Variants in ZNF850 observed in about 807,000 individuals in gnomAD.
ZNF850 encodes the protein putative zinc finger protein ENSP00000330994.
A neutral mutation model predicts 11.9 loss-of-function variants in ZNF850; 2 were observed. That is an observed-to-expected ratio of 0.17 (90% CI 0.07 to 0.53). The LOEUF (loss-of-function observed/expected upper bound fraction) is 0.53, where lower values mean the gene tolerates loss of function less well. ZNF850 is among the 20% of genes least tolerant of loss of function. ZNF850 has a pLI of 0.94. For synonymous variants in ZNF850, 381 were observed against 443.0 expected, an observed-to-expected ratio of 0.86 and a Z score of 1.76; for missense variants, 1,014 against 1,316.4, an observed-to-expected ratio of 0.77 and a Z score of 3.55.
At chr19:36,762,766 C>A in intron 1 of ZNF850, 91 bp from the exon 2 acceptor site, 1 of 712,982 alleles carries the variant, frequency 1.4e-6, no homozygotes. Flanking sequence ...CCTAGCAAAG[C>A]TGAAAGAATA....
chr19:36,753,498 C>T (rs1008032590), intron 4 of ZNF850, among the ~76,000 whole-genome samples: 10 of 141,936 alleles, frequency 7.0e-5, no homozygotes, highest in African/African-American at 2.3e-4. Flanking sequence ...GAGGCTAAGG[C>T]GGGAGGATCA....
At chr19:36,759,056 C>G (rs771857225) in intron 4 of ZNF850, among the ~76,000 whole-genome samples, 34 of 151,534 alleles carry the variant, frequency 2.2e-4, no homozygotes, top group Non-Finnish European at 4.7e-4. Context: ...GCACTCCAGC[C>G]TGGCAACAGA....
intron 4 of ZNF850, 139 bp downstream of exon 4, chr19:36,761,504 C>G (rs554660461): frequency 2.3e-6 from 1 of 442,622 alleles, no homozygotes; most frequent in Admixed American, 3.8e-5. Context: ...CGTGACTTCT[C>G]TTCATGTGTC....
rs1198045676 is a variant in ZNF850, at chr19:36,749,938, T to C, written c.1102A>G (p.Lys368Glu). Reference sequence around the variant, plus strand: ...AAAGTAAAAGATTTTCCACATTCCTTACAGTCATAGGGTTTCTCACCAGTG... The same window carrying C: ...AAAGTAAAAGATTTTCCACATTCCTCACAGTCATAGGGTTTCTCACCAGTG... ...IHTGEKPYDC[K>E]ECGKSFTFHS... is the part of the protein sequence containing the mutation. Residue 368 changes from lysine (K) to glutamate (E), a missense_variant, in exon 5 of 5, where the codon AAG (lysine) becomes GAG (glutamate). Transcript: ENST00000591344. 6.4e-7 allele frequency: 1 copy of C among 1,570,498 alleles called. No homozygotes were observed. The highest frequency in any genetic ancestry group is 2.3e-5 in the East Asian group (1 of 42,658).
At chr19:36,768,303 A>C (rs1469653253) in intron 1 of ZNF850, among the ~76,000 whole-genome samples, 1 of 152,160 alleles carries the variant, frequency 6.6e-6, no homozygotes, top group Admixed American at 6.5e-5. Context: ...TATCTCCATA[A>C]AATCATCAAT....
intron 1 of ZNF850, among the ~76,000 whole-genome samples, chr19:36,763,014 T>G (rs996533410): frequency 3.3e-5 from 5 of 152,010 alleles, no homozygotes; most frequent in African/African-American, 1.2e-4. Context: ...CCTCAGCCTT[T>G]GTGTTAGCTG....
At chr19:36,765,358 G>T (rs1469476654) in intron 1 of ZNF850, among the ~76,000 whole-genome samples, 1 of 152,074 alleles carries the variant, frequency 6.6e-6, no homozygotes, top group Non-Finnish European at 1.5e-5. Flanking sequence ...TCCTTAACTG[G>T]CCATCCAATG....
Position 36,747,831 on chromosome 19 carries a change from CAT to C in ZNF850, c.3207_3208del (p.Cys1070TrpfsTer5). ...TGTAAGCTGTTTAAAGGCCTTCCCA[CAT>C]GTCTTACATTCATAGGGTTTCTCGC... On this transcript the variant is annotated frameshift_variant, in exon 5 of 5. Transcript: ENST00000591344. LOFTEE classifies it high-confidence loss of function. 6.3e-7 allele frequency: 1 copy of C among 1,577,674 alleles called. No individual in the cohort carries two copies. The highest frequency in any genetic ancestry group is 8.6e-7 in the Non-Finnish European group (1 of 1,165,608).
Position 36,750,324 on chromosome 19 carries a change from T to C in ZNF850, c.716A>G (p.His239Arg), listed in dbSNP as rs2040445713. ...EYGKAFISGS[H>R]LIQHQKMYTD... ...ATACATTTTCTGGTGTTGAATAAGA[T>C]GTGAGCCAGAAATAAAAGCTTTTCC... Residue 239 changes from histidine (H) to arginine (R), a missense_variant, in exon 5 of 5, where the codon CAT becomes CGT. Physicochemically the swap from His to Arg is conservative, Grantham distance 29 (BLOSUM62 0). This residue lies in a region of ZNF850 where 835 missense variants were observed against 1,022.0 expected (regional missense o/e 0.82). Coordinates refer to ENST00000591344, the MANE Select transcript of ZNF850 (RefSeq NM_001193552.2). 3.9e-6 allele frequency: 6 copies of C among 1,536,476 alleles called. No individual in the cohort carries two copies. The highest frequency in any genetic ancestry group is 5.2e-6 in the Non-Finnish European group (6 of 1,146,924).
chr19:36,753,131 T>C (rs2040463138), intron 4 of ZNF850, among the ~76,000 whole-genome samples: 1 of 151,660 alleles, frequency 6.6e-6, no homozygotes. Flanking sequence ...AAGCCAGGCA[T>C]GGTGGTGCAC....
Position 36,762,412 on chromosome 19 carries a change from T to G in ZNF850, c.32A>C (p.Asp11Ala), listed in dbSNP as rs1399545495. The change falls in exon 3 of 5, where the codon GAT (aspartate) becomes GCT (alanine). Residue 11 changes from aspartate to alanine, a missense_variant. Coordinates refer to ENST00000591344, the MANE Select transcript of ZNF850 (RefSeq NM_001193552.2). ...CTCCTGAGAGAAGTCTATAGACAGA[T>G]CCTGGAACATGACCAACCCCTGAAA... Reference protein sequence around the residue: MNMEGLVMFQDLSIDFSQEEW... With the variant: MNMEGLVMFQALSIDFSQEEW... 6.4e-7 allele frequency: 1 copy of G among 1,574,744 alleles called. No homozygotes were observed. The highest frequency in any genetic ancestry group is 1.1e-5 in the South Asian group (1 of 87,660).
At chr19:36,763,129 A>G (rs1187922924) in intron 1 of ZNF850, among the ~76,000 whole-genome samples, 3 of 151,906 alleles carry the variant, frequency 2.0e-5, no homozygotes, top group Non-Finnish European at 4.4e-5. Flanking sequence ...GGGCTCAAGC[A>G]ATCTACCTGC....
chr19:36,768,404 C>A lies in ZNF850; in HGVS notation c.-70+4321G>T, dbSNP rs1331366289. Among the ~76,000 whole-genome samples, 18 of 152,216 alleles carry A rather than the reference C, an allele frequency of 1.2e-4. No individual in the cohort carries two copies. The East Asian group carries it at 3.1e-3, about 26-fold the overall frequency. On this transcript the variant is annotated intron_variant, in intron 1 of 4. Coordinates refer to ENST00000591344, the MANE Select transcript of ZNF850 (RefSeq NM_001193552.2). ...AGGGAAGATTTAAATATAACAATTT[C>A]TCAAGTATTTCTATTTATTTTCATT...
chr19:36,748,226 T>A lies in ZNF850; in HGVS notation c.2814A>T (p.Ser938=). The part of the protein sequence containing the change: ...HECGKAFVRF[S]GLTKHHSIHT... ...GAATACTGTGATGTTTGGTGAGTCCTGAGAAACGGACAAAGGCTTTTCCAC... is the reference window on the plus strand; with the variant it reads ...GAATACTGTGATGTTTGGTGAGTCCAGAGAAACGGACAAAGGCTTTTCCAC... The change falls in exon 5 of 5, where the codon TCA becomes TCT. Residue 938 remains serine (S), a synonymous_variant. Coordinates refer to ENST00000591344, the MANE Select transcript of ZNF850 (RefSeq NM_001193552.2). The A allele has an allele frequency of 6.4e-7, 1 of 1,552,360 alleles. No homozygotes were observed. The highest frequency in any genetic ancestry group is 8.7e-7 in the Non-Finnish European group (1 of 1,151,848).
At chr19:36,751,698 C>CAAAAAAAAAAA (rs398038336) in intron 4 of ZNF850, among the ~76,000 whole-genome samples, 1 of 15,762 alleles carries the variant, frequency 6.3e-5, no homozygotes, top group Admixed American at 1.1e-3. Context: ...GACTCCATCT[C>CAAAAAAAAAAA]AAAAAAAAAA....
intron 4 of ZNF850, among the ~76,000 whole-genome samples, chr19:36,760,522 A>T (rs2040511590): frequency 6.6e-6 from 1 of 152,034 alleles, no homozygotes; most frequent in Non-Finnish European, 1.5e-5. Context: ...GTCACCCACC[A>T]AGAAAAGAAG....
Position 36,749,476 on chromosome 19 carries a change from G to T in ZNF850, c.1564C>A (p.Gln522Lys). Residue 522 changes from glutamine (Q) to lysine (K), a missense_variant, in exon 5 of 5, where the codon CAA (glutamine) becomes AAA (lysine). Gln to Lys is a moderately conservative substitution (Grantham distance 53). This residue lies in a region of ZNF850 where 835 missense variants were observed against 1,022.0 expected (regional missense o/e 0.82). Transcript: ENST00000591344. ...KSFASGSALL[Q>K]HQRIHTGEKP... ...TCACCAGTGTGAATTCGCTGATGTT[G>T]AAGTAGTGCTGAGCCAGAAGCAAAA... The T allele has an allele frequency of 6.5e-7, 1 of 1,549,746 alleles. No homozygotes were observed.
rs2040411212 is a variant in ZNF850, at chr19:36,746,315, A to G, written c.*1452T>C. The G allele has an allele frequency of 6.6e-6, 1 of 152,196 alleles. No individual in the cohort carries two copies. The highest frequency in any genetic ancestry group is 1.5e-5 in the Non-Finnish European group (1 of 68,034). 9.4% of individuals were successfully genotyped at this position (152,196 alleles called of 1,614,324 possible). ...CCACTACTTGTTTTAGGGCATCACA[A>G]ACTGTGTCCATATAAGACAGCAAAC... On this transcript the variant is annotated 3_prime_UTR_variant, in exon 5 of 5. Coordinates refer to ENST00000591344, the MANE Select transcript of ZNF850 (RefSeq NM_001193552.2).
rs150039157 is a variant in ZNF850, at chr19:36,759,295, G to A, written c.235+2348C>T. Among the ~76,000 whole-genome samples the A allele has an allele frequency of 7.5e-3, 1,137 of 151,988 alleles. 7 individuals are homozygous for A. The highest frequency in any genetic ancestry group is 0.013 in the Non-Finnish European group (872 of 67,962). Reference sequence around the variant, plus strand: ...TCCAGACCAGCCCGTGGCACACAGGGAGAACCCATCTCTACAAAAAAAATT... The same window carrying A: ...TCCAGACCAGCCCGTGGCACACAGGAAGAACCCATCTCTACAAAAAAAATT... On this transcript the variant is annotated intron_variant, in intron 4 of 4. Coordinates refer to ENST00000591344, the MANE Select transcript of ZNF850 (RefSeq NM_001193552.2).
Sources: gnomAD v4.1 joint callset for allele counts (sites outside exome capture counted in the v4.1 genomes callset) on GRCh38, gnomAD v4.1.1 for gene constraint, gnomAD v4.1.1 regional missense constraint, MANE v1.5 for transcripts, NCBI Gene and HGNC (gene_info 2026-07-23, HGNC 2026-07-21) for gene names.